ITCH: variants seen among roughly 807,000 people sequenced by gnomAD.
The protein encoded by ITCH is E3 ubiquitin-protein ligase Itchy homolog.
ITCH carries 28 observed loss-of-function variants against 126.8 expected under a neutral mutation model. That is an observed-to-expected ratio of 0.22 (90% CI 0.16 to 0.30). The LOEUF is 0.30. ITCH is among the 10% of genes least tolerant of loss of function. The pLI is 1.00. For missense variants in ITCH, 631 were observed against 1,032.4 expected (o/e 0.61, Z 5.33); for synonymous variants, 342 against 340.0 (o/e 1.01, Z -0.06).
chr20:34,388,582 T>G (rs1443692139), intron 2 of ITCH, among the ~76,000 whole-genome samples: 1 of 152,128 alleles, frequency 6.6e-6, no homozygotes, highest in African/African-American at 2.4e-5. Flanking sequence ...AGACAGGATT[T>G]TGCTCTCACA....
At chr20:34,383,192 C>A (rs999715738) in intron 2 of ITCH, among the ~76,000 whole-genome samples, 2 of 151,896 alleles carry the variant, frequency 1.3e-5, no homozygotes, top group Non-Finnish European at 2.9e-5. Flanking sequence ...CAGGTGCATA[C>A]CACCATGCCT....
At chr20:34,480,865 T>C in intron 19 of ITCH, 133 bp downstream of exon 19, 1 of 978,090 alleles carries the variant, frequency 1.0e-6, no homozygotes, top group East Asian at 2.6e-5. Context: ...AACCTGTCTT[T>C]TTATTCAATA....
At chr20:34,457,981 A>T (rs1986176852) in intron 13 of ITCH, among the ~76,000 whole-genome samples, 2 of 152,156 alleles carry the variant, frequency 1.3e-5, no homozygotes, top group Admixed American at 6.5e-5. Context: ...AGCAAAAAAA[A>T]TTATCTGGCA....
chr20:34,442,372 C>G, intron 10 of ITCH, 69 bp downstream of exon 10: 1 of 1,109,136 alleles, frequency 9.0e-7, no homozygotes, highest in Non-Finnish European at 1.4e-6. Context: ...GTATAATCTT[C>G]CCTACATTTC....
intron 2 of ITCH, among the ~76,000 whole-genome samples, chr20:34,379,408 G>A (rs146989058): frequency 1.3e-4 from 20 of 152,106 alleles, no homozygotes; most frequent in African/African-American, 4.1e-4. Context: ...ACCTTGTTAT[G>A]TGACCATTAC....
Position 34,414,489 on chromosome 20 carries a change from G to A in ITCH, c.475+610G>A, listed in dbSNP as rs1230238824. On this transcript the variant is annotated intron_variant, in intron 6 of 24. Transcript: ENST00000374864. Reference sequence around the variant, plus strand: ...TTTTTTTTTTTTTTTTTTTTAAGACGGAGTTTTGCTCTTGTTATCCAGGCT... The same window carrying A: ...TTTTTTTTTTTTTTTTTTTTAAGACAGAGTTTTGCTCTTGTTATCCAGGCT... Among the ~76,000 whole-genome samples the A allele has an allele frequency of 1.9e-4, 26 of 136,834 alleles. No individual in the cohort carries two copies. The South Asian group carries it at 3.4e-3, about 18-fold the overall frequency. The allele number at this position is 136,834 out of a possible 152,430, so 89.8% of individuals were successfully genotyped here. A position where few individuals can be genotyped will look rare whatever the true frequency, so the allele number is the denominator to read the frequency against.
At chr20:34,431,442 G>C (rs1299257572) in intron 7 of ITCH, among the ~76,000 whole-genome samples, 2 of 151,982 alleles carry the variant, frequency 1.3e-5, no homozygotes, top group Non-Finnish European at 2.9e-5. Context: ...GAGGGCCTTG[G>C]GATGGGAGAG....
At chr20:34,459,188 A>G (rs982865154) in intron 13 of ITCH, among the ~76,000 whole-genome samples, 12 of 152,178 alleles carry the variant, frequency 7.9e-5, no homozygotes, top group Non-Finnish European at 1.3e-4. Context: ...TCTTATAGTC[A>G]CATTTATTCT....
intron 12 of ITCH, among the ~76,000 whole-genome samples, chr20:34,455,693 G>A (rs1985830968): frequency 6.6e-6 from 1 of 150,446 alleles, no homozygotes; most frequent in Non-Finnish European, 1.5e-5. Context: ...GCCCAGGTTG[G>A]TCTTGAACTC....
intron 7 of ITCH, among the ~76,000 whole-genome samples, chr20:34,430,445 G>GATTTTA: frequency 6.6e-6 from 1 of 152,128 alleles, no homozygotes; most frequent in Non-Finnish European, 1.5e-5. Context: ...TAAAGGAAAG[G>GATTTTA]AATGTCTTTT....
At chr20:34,388,452 A>G (rs2038369212) in intron 2 of ITCH, among the ~76,000 whole-genome samples, 1 of 151,918 alleles carries the variant, frequency 6.6e-6, no homozygotes, top group Non-Finnish European at 1.5e-5. Flanking sequence ...TGGCCTTATC[A>G]CAGCTCACTG....
chr20:34,444,410 C>T (rs1984168228), intron 10 of ITCH, among the ~76,000 whole-genome samples: 1 of 152,044 alleles, frequency 6.6e-6, no homozygotes, highest in Non-Finnish European at 1.5e-5. Flanking sequence ...ATGGAGAAAC[C>T]CTGTCTCTAC....
intron 20 of ITCH, among the ~76,000 whole-genome samples, chr20:34,485,227 G>T (rs1396151489): frequency 6.6e-6 from 1 of 151,938 alleles, no homozygotes; most frequent in East Asian, 1.9e-4. Context: ...TCTCAGTCTG[G>T]GGCTTTTATG....
intron 16 of ITCH, among the ~76,000 whole-genome samples, chr20:34,474,312 C>T (rs139772539): frequency 0.047 from 7,218 of 152,288 alleles, 220 homozygotes; most frequent in Admixed American, 0.078. Flanking sequence ...ACCCTGCGGC[C>T]TTCCGCAGTG....
At chr20:34,416,243 A>G (rs896991930) in intron 6 of ITCH, among the ~76,000 whole-genome samples, 2 of 151,524 alleles carry the variant, frequency 1.3e-5, no homozygotes, top group Non-Finnish European at 2.9e-5. Flanking sequence ...TACTAAAAAT[A>G]CAAAATTAGC....
chr20:34,504,559 A>G (rs551326758), intron 24 of ITCH, among the ~76,000 whole-genome samples, 156 bp downstream of exon 24: 12 of 152,318 alleles, frequency 7.9e-5, no homozygotes, highest in African/African-American at 2.9e-4. Context: ...TCACCCCTGT[A>G]TGATTCCTTA....
At chr20:34,456,122 A>C (rs1000336525) in intron 12 of ITCH, among the ~76,000 whole-genome samples, 1 of 143,038 alleles carries the variant, frequency 7.0e-6, no homozygotes, top group African/African-American at 2.6e-5. Context: ...CTCTCAAATT[A>C]CATTATATTC....
chr20:34,371,931 T>G lies in ITCH; in HGVS notation c.-22+2461T>G, dbSNP rs138613097. Among the ~76,000 whole-genome samples the G allele has an allele frequency of 9.0e-3, 1,376 of 152,292 alleles. 21 individuals carry two copies. Among genetic ancestry groups the G allele is most frequent in the African/African-American group, 0.031 (1,302 of 41,558 alleles). Reference sequence around the variant, plus strand: ...GTTCTTTCCAGCTCACTCTATTATATTCTGTGCTTTATGTGCTAACTCACT... The same window carrying G: ...GTTCTTTCCAGCTCACTCTATTATAGTCTGTGCTTTATGTGCTAACTCACT... On this transcript the variant is annotated intron_variant, in intron 2 of 24. Transcript: ENST00000374864.
intron 10 of ITCH, among the ~76,000 whole-genome samples, chr20:34,444,538 G>A (rs1004502643): frequency 9.9e-5 from 15 of 152,072 alleles, no homozygotes; most frequent in Non-Finnish European, 1.9e-4. Flanking sequence ...AGCCAAGATC[G>A]CGCCATTGCA....
Sources: allele counts gnomAD v4.1 joint callset (sites outside exome capture counted in the v4.1 genomes callset), GRCh38; gene constraint gnomAD v4.1.1; transcripts MANE v1.5; gene names NCBI Gene and HGNC (gene_info 2026-07-23, HGNC 2026-07-21).